The following EFCAB11 variants were observed in gnomAD, a reference collection of about 807,000 sequenced individuals.
EFCAB11 encodes the protein EF-hand calcium binding domain 11.
EFCAB11 carries 14 observed loss-of-function variants against 23.0 expected under a neutral mutation model. The observed-to-expected ratio is 0.61, with a 90% confidence interval of 0.40 to 0.95. The LOEUF is 0.95. Ranked by LOEUF, EFCAB11 falls within the 40% of genes least tolerant of loss-of-function variation. EFCAB11 has a pLI of 0.00. For missense variants in EFCAB11, 198 were observed against 195.8 expected, an observed-to-expected ratio of 1.01 and a Z score of -0.07; for synonymous variants, 65 against 66.6, an observed-to-expected ratio of 0.98 and a Z score of 0.11.
In EFCAB11 at chr14:89,949,829, G is replaced by A. The variant is rs564858893; in HGVS notation, c.217+268C>T. Among the ~76,000 whole-genome samples the A allele has an allele frequency of 4.6e-5, 7 of 152,318 alleles. No homozygotes were observed. In the South Asian group the frequency reaches 1.4e-3, roughly 32 times the overall value. On this transcript the variant is annotated intron_variant, in intron 3 of 5. Transcript: ENST00000316738. ...TCACAATCATGGCAGAAGGCAAAGA[G>A]GAGCAAGTCACGTCTTACATGGATG...
intron 5 of EFCAB11, among the ~76,000 whole-genome samples, chr14:89,899,067 A>G (rs1259891587): frequency 6.6e-6 from 1 of 152,194 alleles, no homozygotes; most frequent in Non-Finnish European, 1.5e-5. Context: ...GAGAGAATGA[A>G]ATATTAATAC....
At position 89,863,795 on chromosome 14, in the gene EFCAB11, C is replaced by T. The variant is rs1207464815; in HGVS notation, c.411-66471G>A. 2.0e-5 allele frequency among the ~76,000 whole-genome samples: 3 copies of T among 152,188 alleles called. No individual in the cohort carries two copies. The East Asian group carries it at 5.8e-4, about 29-fold the overall frequency. ...AGGATGAAAAATTGGCAATGCTACACATTTTGCCTGATTTTGAAGTATTTC... is the reference window on the plus strand; with the variant it reads ...AGGATGAAAAATTGGCAATGCTACATATTTTGCCTGATTTTGAAGTATTTC... On this transcript the variant is annotated intron_variant, in intron 5 of 5. Coordinates refer to ENST00000316738, the MANE Select transcript of EFCAB11 (RefSeq NM_145231.4).
chr14:89,874,523 T>C (rs1017977685), intron 5 of EFCAB11, among the ~76,000 whole-genome samples: 2 of 152,228 alleles, frequency 1.3e-5, no homozygotes, highest in African/African-American at 4.8e-5. Flanking sequence ...TCCAATTTTT[T>C]TATGCTCTGC....
At chr14:89,915,250 A>G (rs1308817869) in intron 5 of EFCAB11, among the ~76,000 whole-genome samples, 1 of 152,222 alleles carries the variant, frequency 6.6e-6, no homozygotes, top group African/African-American at 2.4e-5. Flanking sequence ...TAGACCAATG[A>G]CATTATTACA....
chr14:89,895,174 A>G (rs1286739759), intron 5 of EFCAB11, among the ~76,000 whole-genome samples: 3 of 152,208 alleles, frequency 2.0e-5, no homozygotes, highest in Non-Finnish European at 2.9e-5. Context: ...GTGAAAACCA[A>G]TGTGATTATG....
chr14:89,918,188 C>G (rs1012937151), intron 5 of EFCAB11, among the ~76,000 whole-genome samples: 2 of 151,910 alleles, frequency 1.3e-5, no homozygotes, highest in African/African-American at 4.8e-5. Flanking sequence ...AGAGAGAAGA[C>G]CAGAACAAAA....
At chr14:89,953,220 A>C (rs2047113547) in intron 2 of EFCAB11, among the ~76,000 whole-genome samples, 2 of 152,014 alleles carry the variant, frequency 1.3e-5, no homozygotes, top group African/African-American at 4.8e-5. Flanking sequence ...AAAAAAAAAA[A>C]ACCCCACCTA....
chr14:89,875,812 G>C, intron 5 of EFCAB11, among the ~76,000 whole-genome samples: 1 of 152,176 alleles, frequency 6.6e-6, no homozygotes, highest in East Asian at 1.9e-4. Flanking sequence ...TGGGAGTGGA[G>C]CCTGTGAGTG....
At position 89,950,079 on chromosome 14, in the gene EFCAB11, T is replaced by C. The variant is rs1891114198; in HGVS notation, c.217+18A>G. On this transcript the variant is annotated intron_variant, in intron 3 of 5. Transcript: ENST00000316738. ...GTCTAAATAAGGTACTAAAAATTAA[T>C]ATTAACTTTCATATTACCAGAAGTA... The C allele has an allele frequency of 1.3e-6, 2 of 1,534,634 alleles. No homozygotes were observed. Among genetic ancestry groups the C allele is most frequent in the African/African-American group, 2.7e-5 (2 of 72,794 alleles).
intron 5 of EFCAB11, among the ~76,000 whole-genome samples, chr14:89,805,478 A>G (rs1885937275): frequency 6.6e-6 from 1 of 152,220 alleles, no homozygotes; most frequent in African/African-American, 2.4e-5. Context: ...TGGACATCTG[A>G]GATGCAGAGG....
At chr14:89,830,066 T>C (rs915944332) in intron 5 of EFCAB11, 4 of 152,166 alleles carry the variant, frequency 2.6e-5, no homozygotes, top group Non-Finnish European at 4.4e-5. Context: ...CTCCATTCCA[T>C]TGTGAGACTG....
chr14:89,936,862 G>T (rs1219203258), intron 3 of EFCAB11, among the ~76,000 whole-genome samples: 1 of 152,104 alleles, frequency 6.6e-6, no homozygotes, highest in Non-Finnish European at 1.5e-5. Flanking sequence ...AGCTCCACCT[G>T]CTGTCACAAC....
intron 5 of EFCAB11, among the ~76,000 whole-genome samples, chr14:89,834,375 CAAAAAAAAAAAA>C (rs5810476): frequency 9.2e-5 from 3 of 32,436 alleles, no homozygotes; most frequent in Admixed American, 5.9e-4. Context: ...GACTCCGTCT[CAAAAAAAAAAAA>C]AAAAAAAAAA....
intron 3 of EFCAB11, among the ~76,000 whole-genome samples, chr14:89,946,929 C>T (rs1891007141): frequency 6.6e-6 from 1 of 151,814 alleles, no homozygotes; most frequent in South Asian, 2.1e-4. Context: ...TTTTTTTTCC[C>T]TAGATACACT....
chr14:89,954,188 T>TGGGCTGAAATTTCCCTCAAA (rs1345005149), intron 1 of EFCAB11, among the ~76,000 whole-genome samples, 187 bp from the exon 2 acceptor site: 2 of 152,208 alleles, frequency 1.3e-5, no homozygotes, highest in African/African-American at 4.8e-5. Context: ...TTCTTAAACA[T>TGGGCTGAAATTTCCCTCAAA]GGGCTGAAAT....
At chr14:89,939,352 T>C (rs1890711306) in intron 3 of EFCAB11, among the ~76,000 whole-genome samples, 1 of 152,002 alleles carries the variant, frequency 6.6e-6, no homozygotes, top group Non-Finnish European at 1.5e-5. Context: ...TGATAGCTGA[T>C]ATATTTAGGT....
At chr14:89,826,319 G>C (rs1886689722) in intron 5 of EFCAB11, among the ~76,000 whole-genome samples, 1 of 151,974 alleles carries the variant, frequency 6.6e-6, no homozygotes, top group Non-Finnish European at 1.5e-5. Flanking sequence ...TATGAAGGAT[G>C]GGTAACAGTC....
chr14:89,905,339 T>C (rs1398809306), intron 5 of EFCAB11, among the ~76,000 whole-genome samples: 1 of 152,166 alleles, frequency 6.6e-6, no homozygotes. Flanking sequence ...TTCCACATGT[T>C]AGGGAGAGAT....
intron 5 of EFCAB11, among the ~76,000 whole-genome samples, chr14:89,893,495 T>G (rs1036207101): frequency 2.6e-5 from 4 of 152,122 alleles, no homozygotes; most frequent in Admixed American, 6.5e-5. Flanking sequence ...CGCTGGATGA[T>G]GGACTTCAGC....
Sources: allele counts gnomAD v4.1 joint callset (sites outside exome capture counted in the v4.1 genomes callset), GRCh38; gene constraint gnomAD v4.1.1; transcripts MANE v1.5; gene names NCBI Gene and HGNC (gene_info 2026-07-23, HGNC 2026-07-21).